GPR143: variants seen among roughly 807,000 people sequenced by gnomAD.
GPR143 encodes G protein-coupled receptor 143, also known as G-protein coupled receptor 143.
GPR143 carries 8 observed loss-of-function variants against 27.6 expected under a neutral mutation model. The ratio of observed to expected loss-of-function variants is 0.29; its 90% confidence interval spans 0.17 to 0.52. The LOEUF is 0.52. Ranked by LOEUF, GPR143 falls within the 20% of genes least tolerant of loss-of-function variation. The pLI is 0.96. For synonymous variants in GPR143, 156 were observed against 153.2 expected (o/e 1.02, Z -0.13); for missense variants, 303 against 343.1 (o/e 0.88, Z 0.92).
chrX:9,745,694 C>G (rs2083425461), intron 5 of GPR143, among the ~76,000 whole-genome samples: 2 of 112,052 alleles, frequency 1.8e-5, no homozygotes, highest in East Asian at 2.8e-4. Flanking sequence ...CAGACTCAGT[C>G]CCTTCCCCCT....
chrX:9,748,802 C>T (rs1282645863), intron 3 of GPR143, 136 bp from the exon 4 acceptor site: 5 of 492,576 alleles, frequency 1.0e-5, no homozygotes, highest in South Asian at 8.6e-5. Flanking sequence ...AGAGTTTCCT[C>T]GTGCTGCTGA....
chrX:9,739,934 G>T (rs966513337), intron 7 of GPR143, among the ~76,000 whole-genome samples: 1 of 111,547 alleles, frequency 9.0e-6, no homozygotes, highest in Non-Finnish European at 1.9e-5. Context: ...ACCTTCAAGG[G>T]TGCCTGAAAG....
chrX:9,766,320 TC>T (rs1162315120), upstream of GPR143: 1 of 112,314 alleles, frequency 8.9e-6, no homozygotes, highest in Admixed American at 9.5e-5. Context: ...ACTGCTTTTT[TC>T]CTAAGTAGAG....
At position 9,746,013 on chromosome X, in the gene GPR143, C is replaced by T. The variant is rs372697571; in HGVS notation, c.658+31G>A. The T allele has an allele frequency of 3.8e-4, 347 of 907,597 alleles. 1 individual carries two copies. The highest frequency in any genetic ancestry group is 4.8e-4 in the Non-Finnish European group (295 of 618,739). The allele number at this position is 907,597 out of a possible 1,213,427, so 74.8% of individuals were successfully genotyped here. On this transcript the variant is annotated intron_variant, in intron 5 of 8. Coordinates refer to ENST00000467482, the MANE Select transcript of GPR143 (RefSeq NM_000273.3). Reference sequence around the variant, plus strand: ...GAGGCATGGGGCCGCTCCCAGTGGCCGTGTACCCAGAGAGCTTCCCTAGTA... The same window carrying T: ...GAGGCATGGGGCCGCTCCCAGTGGCTGTGTACCCAGAGAGCTTCCCTAGTA...
chrX:9,745,714 T>C (rs1241954750), intron 5 of GPR143, among the ~76,000 whole-genome samples: 1 of 111,469 alleles, frequency 9.0e-6, no homozygotes, highest in Non-Finnish European at 1.9e-5. Context: ...TCCCTTCTCT[T>C]CTCCTTCTGT....
chrX:9,765,312 A>G (rs1157731515), intron 1 of GPR143, among the ~76,000 whole-genome samples: 1 of 110,368 alleles, frequency 9.1e-6, no homozygotes. Flanking sequence ...CCCAGCACTG[A>G]GCAGGTCCCA....
upstream of GPR143, among the ~76,000 whole-genome samples, chrX:9,766,546 C>T (rs1483453007): frequency 4.5e-5 from 5 of 111,506 alleles, no homozygotes; most frequent in African/African-American, 1.6e-4. Flanking sequence ...GGCAACATGG[C>T]GAAACCCCAC....
chrX:9,737,163 A>G (rs914495575), intron 8 of GPR143, among the ~76,000 whole-genome samples: 1 of 111,317 alleles, frequency 9.0e-6, no homozygotes, highest in African/African-American at 3.3e-5. Flanking sequence ...CACACACAAA[A>G]CCAAAGAAAA....
At chrX:9,773,067 A>C (rs1026739651) in intron 1 of GPR143, among the ~76,000 whole-genome samples, 2 of 111,595 alleles carry the variant, frequency 1.8e-5, no homozygotes, top group African/African-American at 6.5e-5. Context: ...AAGACAGTTC[A>C]ATGTTTATTT....
At chrX:9,742,923 A>G (rs2083410900) in intron 6 of GPR143, among the ~76,000 whole-genome samples, 1 of 111,338 alleles carries the variant, frequency 9.0e-6, no homozygotes, top group African/African-American at 3.3e-5. Flanking sequence ...CCTGGCCAAC[A>G]TGGTGAAACC....
chrX:9,763,555 T>C (rs1271163351), intron 1 of GPR143, among the ~76,000 whole-genome samples: 2 of 111,554 alleles, frequency 1.8e-5, no homozygotes, highest in Non-Finnish European at 3.8e-5. Context: ...GAGATCTGAA[T>C]GGGCAGGATG....
intron 8 of GPR143, among the ~76,000 whole-genome samples, chrX:9,736,035 C>T (rs1487861503): frequency 9.0e-6 from 1 of 110,970 alleles, no homozygotes; most frequent in African/African-American, 3.3e-5. Context: ...TTTACATAGT[C>T]CCAGGGATCC....
chrX:9,728,262 A>G (rs5978337), intron 8 of GPR143, among the ~76,000 whole-genome samples: 40,627 of 109,669 alleles, frequency 0.37, 8,194 homozygotes, highest in African/African-American at 0.75. Context: ...GTACAGTCAC[A>G]TAGGTGCCTT....
At chrX:9,732,011 TAGAG>T (rs772589354) in intron 8 of GPR143, among the ~76,000 whole-genome samples, 75 of 111,768 alleles carry the variant, frequency 6.7e-4, no homozygotes, top group South Asian at 2.2e-3. Context: ...GACAATTTAA[TAGAG>T]AGTAGAATTA....
chrX:9,740,964 C>T (rs1175262631), intron 7 of GPR143: 1 of 293,512 alleles, frequency 3.4e-6, no homozygotes, highest in African/African-American at 2.8e-5. Flanking sequence ...ATAAGGATCC[C>T]GACAACAAAC....
chrX:9,751,399 G>T (rs758708846), intron 3 of GPR143, among the ~76,000 whole-genome samples: 34 of 112,505 alleles, frequency 3.0e-4, no homozygotes, highest in Admixed American at 1.6e-3. Flanking sequence ...TGTTACTCTG[G>T]GATTTCCCTT....
chrX:9,749,747 G>A (rs1335653314), intron 3 of GPR143, among the ~76,000 whole-genome samples: 1 of 111,884 alleles, frequency 8.9e-6, no homozygotes, highest in Non-Finnish European at 1.9e-5. Context: ...ATAGGCATGA[G>A]CCACTGTGCC....
intron 3 of GPR143, among the ~76,000 whole-genome samples, chrX:9,756,431 T>A (rs191882069): frequency 9.1e-6 from 1 of 109,812 alleles, no homozygotes; most frequent in Non-Finnish European, 1.9e-5. Context: ...TTGAAAGATA[T>A]CATCAAGTAG....
At position 9,738,533 on chromosome X, in the gene GPR143, T is replaced by C. The variant is rs761627426; in HGVS notation, c.1120+952A>G. ...GACAGTACGGTATCATGGAATCAAT[T>C]CATCAGTTCATCACCATATTTTTTG... On this transcript the variant is annotated intron_variant, in intron 8 of 8. Coordinates refer to ENST00000467482, the MANE Select transcript of GPR143 (RefSeq NM_000273.3). 3.6e-4 allele frequency: 270 copies of C among 742,469 alleles called. No homozygotes were observed. The African/African-American group carries it at 5.7e-3, about 16-fold the overall frequency. The allele number at this position is 742,469 out of a possible 1,213,427, so 61.2% of individuals were successfully genotyped here. A position where few individuals can be genotyped will look rare whatever the true frequency, so the allele number is the denominator to read the frequency against.
Sources: gnomAD v4.1 joint callset for allele counts (sites outside exome capture counted in the v4.1 genomes callset) on GRCh38, gnomAD v4.1.1 for gene constraint, MANE v1.5 for transcripts, NCBI Gene and HGNC (gene_info 2026-07-23, HGNC 2026-07-21) for gene names.